ARHGEF28: variants seen among roughly 807,000 people sequenced by gnomAD.
ARHGEF28 encodes 190 kDa guanine nucleotide exchange factor.
A neutral mutation model predicts 206.6 loss-of-function variants in ARHGEF28; 152 were observed. The observed-to-expected ratio is 0.74, with a 90% CI of 0.64 to 0.84. The LOEUF (loss-of-function observed/expected upper bound fraction) is 0.84, where lower values mean the gene tolerates loss of function less well. ARHGEF28 is among the 40% of genes least tolerant of loss of function. The pLI is 0.00. For synonymous variants in ARHGEF28, 763 were observed against 776.4 expected (o/e 0.98, Z 0.29); for missense variants, 2,028 against 2,073.2 (o/e 0.98, Z 0.42).
chr5:73,925,256 G>C (rs1763734080), intron 35 of ARHGEF28, among the ~76,000 whole-genome samples: 1 of 152,120 alleles, frequency 6.6e-6, no homozygotes, highest in Non-Finnish European at 1.5e-5. Flanking sequence ...CTCGGCTCAT[G>C]CTGTTCTCTC....
At chr5:73,900,607 T>C (rs1762208268) in intron 30 of ARHGEF28, 1 of 152,194 alleles carries the variant, frequency 6.6e-6, no homozygotes, top group South Asian at 2.1e-4. Flanking sequence ...AAAAAATAAG[T>C]TATTCAGAGA....
Position 73,887,592 on chromosome 5 carries a change from T to C in ARHGEF28, c.3311-11T>C. On this transcript the variant is annotated splice_polypyrimidine_tract_variant and intron_variant, in intron 25 of 35. Coordinates refer to ENST00000513042, the MANE Select transcript of ARHGEF28 (RefSeq NM_001177693.2). ...TGCTTCATTAATACTAGTAATGTTTTTTCTTTAAAGATATCCTAGCTCTAC... is the reference window on the plus strand; with the variant it reads ...TGCTTCATTAATACTAGTAATGTTTCTTCTTTAAAGATATCCTAGCTCTAC... 6.5e-7 allele frequency: 1 copy of C among 1,544,934 alleles called. No individual in the cohort carries two copies. Among genetic ancestry groups the C allele is most frequent in the East Asian group, 2.4e-5 (1 of 42,438 alleles).
intron 26 of ARHGEF28, among the ~76,000 whole-genome samples, chr5:73,890,658 T>C (rs1761568891): frequency 6.6e-6 from 1 of 152,152 alleles, no homozygotes; most frequent in African/African-American, 2.4e-5. Context: ...GCCTCTGATA[T>C]GGCCAAGCTG....
chr5:73,682,089 A>T (rs1185542741), intron 1 of ARHGEF28, among the ~76,000 whole-genome samples: 1 of 152,208 alleles, frequency 6.6e-6, no homozygotes, highest in African/African-American at 2.4e-5. Flanking sequence ...TTCAAATAAT[A>T]ACAATAATAA....
intron 2 of ARHGEF28, among the ~76,000 whole-genome samples, chr5:73,708,230 A>G (rs934834262): frequency 2.0e-5 from 3 of 151,242 alleles, no homozygotes; most frequent in Non-Finnish European, 2.9e-5. Flanking sequence ...TTCACGGGTT[A>G]TATATGCAGG....
At chr5:73,699,779 C>T (rs1024891524) in intron 2 of ARHGEF28, among the ~76,000 whole-genome samples, 1 of 152,090 alleles carries the variant, frequency 6.6e-6, no homozygotes, top group African/African-American at 2.4e-5. Context: ...AACAGACAAC[C>T]ATGAATCTAC....
chr5:73,813,664 T>A, intron 9 of ARHGEF28: 1 of 1,535,778 alleles, frequency 6.5e-7, no homozygotes, highest in Non-Finnish European at 8.7e-7. Context: ...AAGAAGGACG[T>A]CCAAACAAGG....
intron 14 of ARHGEF28, among the ~76,000 whole-genome samples, chr5:73,856,145 C>T (rs575327878): frequency 6.6e-6 from 1 of 152,182 alleles, no homozygotes; most frequent in South Asian, 2.1e-4. Context: ...TATTATGGCA[C>T]AAATTTTGCA....
chr5:73,743,557 C>T (rs1751555125), intron 2 of ARHGEF28, among the ~76,000 whole-genome samples: 1 of 152,162 alleles, frequency 6.6e-6, no homozygotes, highest in South Asian at 2.1e-4. Flanking sequence ...GATATTTCCC[C>T]CTGGATTTAA....
At chr5:73,686,230 G>A (rs978472207) in intron 2 of ARHGEF28, among the ~76,000 whole-genome samples, 31 of 152,046 alleles carry the variant, frequency 2.0e-4, no homozygotes, top group African/African-American at 7.2e-4. Flanking sequence ...GCTGGACTGA[G>A]GCTAAATTGT....
rs538821900 is a variant in ARHGEF28, at chr5:73,639,772, T to TGAA, written c.-12+13456_-12+13458dup. 4.6e-5 allele frequency among the ~76,000 whole-genome samples: 7 copies of TGAA among 152,334 alleles called. No homozygotes were observed. The South Asian group carries it at 1.4e-3, about 32-fold the overall frequency. ...TAAAACTGAAGTCTATAAATAGATT[T>TGAA]GAAGAAGACGTGTTGGGGGTTGACA... is the stretch of plus-strand genomic sequence containing the variant. On this transcript the variant is annotated intron_variant, in intron 1 of 35. Coordinates refer to ENST00000513042, the MANE Select transcript of ARHGEF28 (RefSeq NM_001177693.2).
chr5:73,881,262 G>T (rs1760919602), intron 22 of ARHGEF28, among the ~76,000 whole-genome samples: 1 of 151,828 alleles, frequency 6.6e-6, no homozygotes. Context: ...TTCCAAAATT[G>T]TTCTAGCTGT....
At chr5:73,878,869 A>G (rs1209076346) in intron 22 of ARHGEF28, among the ~76,000 whole-genome samples, 2 of 151,238 alleles carry the variant, frequency 1.3e-5, no homozygotes, top group East Asian at 1.9e-4. Context: ...TTTTTCCTTC[A>G]TTTCAACTTT....
At chr5:73,678,505 G>A (rs751929095) in intron 1 of ARHGEF28, among the ~76,000 whole-genome samples, 44 of 152,132 alleles carry the variant, frequency 2.9e-4, no homozygotes, top group Non-Finnish European at 5.4e-4. Flanking sequence ...ATTTGAGGGA[G>A]GCCTTTGATA....
chr5:73,877,102 T>C (rs1580027360), intron 22 of ARHGEF28, among the ~76,000 whole-genome samples: 1 of 127,654 alleles, frequency 7.8e-6, no homozygotes, highest in Admixed American at 8.1e-5. Flanking sequence ...TTTCAGCTCC[T>C]GTTATTGGTC....
intron 10 of ARHGEF28, 56 bp from the exon 11 acceptor site, chr5:73,840,424 A>T (rs1457848621): frequency 1.3e-6 from 2 of 1,551,264 alleles, no homozygotes; most frequent in Non-Finnish European, 1.8e-6. Flanking sequence ...ATTAATTCTT[A>T]GCTAGGCCAA....
At chr5:73,654,044 A>G (rs1343128346) in intron 1 of ARHGEF28, among the ~76,000 whole-genome samples, 2 of 152,162 alleles carry the variant, frequency 1.3e-5, no homozygotes, top group Non-Finnish European at 2.9e-5. Context: ...TATCACCCTA[A>G]CTTCTCTCCT....
At position 73,911,489 on chromosome 5, in the gene ARHGEF28, A is replaced by G. The variant is rs1013230639; in HGVS notation, c.4862A>G (p.Asn1621Ser). Residue 1621 changes from asparagine to serine, a missense_variant, in exon 35 of 36, where the codon AAT becomes AGT. By Grantham distance (46) the Asn-to-Ser change is conservative. This residue lies in a region of ARHGEF28 where 803 missense variants were observed against 768.0 expected (regional missense o/e 1.05). Coordinates refer to ENST00000513042, the MANE Select transcript of ARHGEF28 (RefSeq NM_001177693.2). Reference sequence around the variant, plus strand: ...AAGGTGGACCCTTCTCAGCCTTCGAATGTCAGTCACAAACTGTGGACAGCC... The same window carrying G: ...AAGGTGGACCCTTCTCAGCCTTCGAGTGTCAGTCACAAACTGTGGACAGCC... The part of the protein sequence containing the change: ...DLKVDPSQPS[N>S]VSHKLWTAAG... 3 of 1,613,962 alleles carry G rather than the reference A, an allele frequency of 1.9e-6. No homozygotes were observed. The South Asian group carries it at 3.3e-5, about 18-fold the overall frequency.
At chr5:73,684,981 G>C in intron 2 of ARHGEF28, 97 bp downstream of exon 2, 3 of 1,324,670 alleles carry the variant, frequency 2.3e-6, no homozygotes, top group Non-Finnish European at 3.2e-6. Context: ...TTGCTATTGA[G>C]TTAAGGCTTT....
Sources: allele counts gnomAD v4.1 joint callset (sites outside exome capture counted in the v4.1 genomes callset), GRCh38; gene constraint gnomAD v4.1.1; regional missense constraint gnomAD v4.1.1; transcripts MANE v1.5; gene names NCBI Gene and HGNC (gene_info 2026-07-23, HGNC 2026-07-21).